Variants in ZFHX3 observed in about 807,000 individuals in gnomAD.
ZFHX3 encodes zinc finger homeobox protein 3.
Under a neutral mutation model 279.1 loss-of-function variants are expected in ZFHX3, and 42 were observed. The observed-to-expected ratio is 0.15, with a 90% CI of 0.12 to 0.19. The LOEUF is 0.19. ZFHX3 is among the 10% of genes least tolerant of loss of function. The pLI is 1.00. For synonymous variants in ZFHX3, 2,293 were observed against 1,957.8 expected, an observed-to-expected ratio of 1.17 and a Z score of -4.52; for missense variants, 4,981 against 4,754.0, an observed-to-expected ratio of 1.05 and a Z score of -1.40.
chr16:73,226,896 TC>T (rs1198058530), intron 5 of ZFHX3, among the ~76,000 whole-genome samples: 2 of 152,240 alleles, frequency 1.3e-5, no homozygotes, highest in Non-Finnish European at 2.9e-5. Context: ...ATGAAGTATT[TC>T]ATACTAGAAT....
At chr16:73,378,501 G>A (rs959688638) in intron 3 of ZFHX3, among the ~76,000 whole-genome samples, 14 of 152,064 alleles carry the variant, frequency 9.2e-5, no homozygotes, top group African/African-American at 3.4e-4. Context: ...ACCTGGTTTC[G>A]CTGTTCTAAG....
In ZFHX3 at chr16:73,821,989, C is replaced by A. The variant is rs187880410; in HGVS notation, c.-1608+69662G>T. ...CAGCCCATTCCAAAGGCATCTCCCC[C>A]TCTACATTTGCCTTTGAGCACAGTT... On this transcript the variant is annotated intron_variant, in intron 1 of 17. Transcript: ENST00000641206. 2.6e-5 allele frequency among the ~76,000 whole-genome samples: 4 copies of A among 152,308 alleles called. No individual in the cohort carries two copies. The East Asian group carries it at 7.7e-4, about 29-fold the overall frequency.
chr16:73,726,676 G>A (rs946477474), intron 1 of ZFHX3, among the ~76,000 whole-genome samples: 2 of 152,160 alleles, frequency 1.3e-5, no homozygotes, highest in Non-Finnish European at 2.9e-5. Context: ...AGCAGGAGCT[G>A]GCCCATCACA....
intron 5 of ZFHX3, among the ~76,000 whole-genome samples, chr16:73,227,738 A>G (rs1210074598): frequency 6.6e-6 from 1 of 151,300 alleles, no homozygotes; most frequent in East Asian, 1.9e-4. Flanking sequence ...AATCCCAGCT[A>G]CTCAGGAGGC....
rs774383103 is a variant in ZFHX3, at chr16:73,606,027, C to CA, written c.-1547+74152dup. Among the ~76,000 whole-genome samples the CA allele has an allele frequency of 1.4e-3, 206 of 151,106 alleles. 1 individual carries two copies. Among genetic ancestry groups the CA allele is most frequent in the Non-Finnish European group, 2.5e-3 (168 of 67,764 alleles). ...TGAAAGCCCGTCTCTACTAAAAATACAAAAAATTACCCCGGCGTGGTGGCG... is the reference window on the plus strand; with the variant it reads ...TGAAAGCCCGTCTCTACTAAAAATACAAAAAAATTACCCCGGCGTGGTGGCG... On this transcript the variant is annotated intron_variant, in intron 2 of 17. Transcript: ENST00000641206.
intron 1 of ZFHX3, among the ~76,000 whole-genome samples, chr16:73,765,318 A>T (rs935142332): frequency 6.6e-6 from 1 of 152,228 alleles, no homozygotes; most frequent in African/African-American, 2.4e-5. Context: ...AATGGGAAAC[A>T]TTTTGAGTTA....
chr16:73,103,256 C>A (rs1371051963), intron 7 of ZFHX3, among the ~76,000 whole-genome samples: 1 of 152,146 alleles, frequency 6.6e-6, no homozygotes, highest in Non-Finnish European at 1.5e-5. Context: ...TACTGGCTCC[C>A]ATTTCTACTG....
rs903697289 is a variant in ZFHX3, at chr16:73,543,417, G to T, written c.-1546-87159C>A. ...TAATTGGAGCTGTGCATCTCGGCCT[G>T]GTCCCCCCTTTCCTTGTGACCTGGA... On this transcript the variant is annotated intron_variant, in intron 2 of 17. Coordinates refer to the ZFHX3 transcript ENST00000641206. 2.8e-4 allele frequency among the ~76,000 whole-genome samples: 43 copies of T among 152,294 alleles called. 1 individual carries two copies. The highest frequency in any genetic ancestry group is 9.1e-4 in the African/African-American group (38 of 41,566).
intron 5 of ZFHX3, among the ~76,000 whole-genome samples, chr16:72,818,497 A>G (rs960737594): frequency 6.6e-6 from 1 of 152,242 alleles, no homozygotes; most frequent in Non-Finnish European, 1.5e-5. Context: ...CAGTTCCTTT[A>G]AAGAATCTGC....
chr16:72,792,639 A>G (rs1030678560), intron 9 of ZFHX3, among the ~76,000 whole-genome samples: 2 of 152,186 alleles, frequency 1.3e-5, no homozygotes, highest in East Asian at 3.9e-4. Flanking sequence ...TTTAGTAGAG[A>G]TGGGGTTTCA....
At chr16:73,467,510 C>A (rs931791988) in intron 2 of ZFHX3, among the ~76,000 whole-genome samples, 1 of 152,114 alleles carries the variant, frequency 6.6e-6, no homozygotes, top group African/African-American at 2.4e-5. Flanking sequence ...CACCGACAGG[C>A]ACAATTTACC....
chr16:73,335,226 T>A (rs907702911), intron 3 of ZFHX3, among the ~76,000 whole-genome samples: 1 of 152,046 alleles, frequency 6.6e-6, no homozygotes, highest in Non-Finnish European at 1.5e-5. Flanking sequence ...AGGCCCTGGG[T>A]TTTTCCTCAG....
intron 2 of ZFHX3, among the ~76,000 whole-genome samples, chr16:73,599,071 A>G (rs573994121): frequency 2.8e-4 from 43 of 152,270 alleles, no homozygotes; most frequent in African/African-American, 1.0e-3. Context: ...TTTGAATACT[A>G]TCTTAAAGAG....
chr16:73,501,957 A>AT lies in ZFHX3; in HGVS notation c.-1546-45700dup, dbSNP rs61531218. Among the ~76,000 whole-genome samples, 1,301 of 151,752 alleles carry AT rather than the reference A, an allele frequency of 8.6e-3. 30 individuals are homozygous for AT. The highest frequency in any genetic ancestry group is 0.03 in the African/African-American group (1,249 of 41,354). On this transcript the variant is annotated intron_variant, in intron 2 of 17. Transcript: ENST00000641206. ...TTGGTTAATGTTATAGAGGATTTTT[A>AT]TTTTTTTTAAAACAAAGCTATTTGT...
In ZFHX3 at chr16:72,936,978, T is replaced by C. The variant is rs560577389; in HGVS notation, c.3216+13491A>G. 7.9e-5 allele frequency among the ~76,000 whole-genome samples: 12 copies of C among 152,154 alleles called. No individual in the cohort carries two copies. The East Asian group carries it at 2.3e-3, about 29-fold the overall frequency. The stretch of plus-strand genomic sequence containing the variant: ...ACAGAACTTGCTGATGGTTTGGCTG[T>C]AGGGGAGCAAAAGACAAGGAGCCCC... On this transcript the variant is annotated intron_variant, in intron 3 of 9. Transcript: ENST00000268489.
Position 72,863,340 on chromosome 16 carries a change from T to TAAAAAAAAAAA in ZFHX3, c.3448+26380_3448+26390dup, listed in dbSNP as rs66692129. Among the ~76,000 whole-genome samples the TAAAAAAAAAAA allele has an allele frequency of 5.6e-4, 36 of 64,630 alleles. 1 individual carries two copies. Among genetic ancestry groups the TAAAAAAAAAAA allele is most frequent in the African/African-American group, 2.7e-3 (36 of 13,536 alleles). The allele number at this position is 64,630 out of a possible 152,430, so 42.4% of individuals were successfully genotyped here. On this transcript the variant is annotated intron_variant, in intron 4 of 9. Coordinates refer to ENST00000268489, the MANE Select transcript of ZFHX3 (RefSeq NM_006885.4). ...CAACACGGCAAAATCTCATCTCTACTAAAAAAAAAAAAAAAAAAAAAAAAA... is the reference window on the plus strand; with the variant it reads ...CAACACGGCAAAATCTCATCTCTACTAAAAAAAAAAAAAAAAAAAAAAAAAAAAAAAAAAAA...
At chr16:73,706,576 G>A (rs940138548) in intron 1 of ZFHX3, among the ~76,000 whole-genome samples, 1 of 152,020 alleles carries the variant, frequency 6.6e-6, no homozygotes, top group African/African-American at 2.4e-5. Flanking sequence ...AATATTCAAG[G>A]CTCTCCGTGG....
At chr16:72,816,277 G>T (rs2036604589) in intron 5 of ZFHX3, among the ~76,000 whole-genome samples, 1 of 152,152 alleles carries the variant, frequency 6.6e-6, no homozygotes, top group African/African-American at 2.4e-5. Context: ...GTAAAAGCAA[G>T]TTCTCTCATT....
intron 2 of ZFHX3, among the ~76,000 whole-genome samples, chr16:73,470,229 A>G (rs1282384762): frequency 6.6e-6 from 1 of 152,138 alleles, no homozygotes; most frequent in East Asian, 1.9e-4. Flanking sequence ...CACTTTTCCT[A>G]TATTCACGGG....
Sources: allele counts gnomAD v4.1 joint callset (sites outside exome capture counted in the v4.1 genomes callset), GRCh38; gene constraint gnomAD v4.1.1; transcripts MANE v1.5; gene names NCBI Gene and HGNC (gene_info 2026-07-23, HGNC 2026-07-21).